The following AKAP9 variants were observed in gnomAD, a reference collection of about 807,000 sequenced individuals.
AKAP9 encodes the protein A-kinase anchor protein 9.
AKAP9 carries 311 observed loss-of-function variants against 488.5 expected under a neutral mutation model. The observed-to-expected ratio is 0.64, with a 90% CI of 0.58 to 0.70. The LOEUF is 0.70. AKAP9 is among the 30% of genes least tolerant of loss of function. The pLI is 0.00. For synonymous variants in AKAP9, 1,462 were observed against 1,483.5 expected, an observed-to-expected ratio of 0.99 and a Z score of 0.33; for missense variants, 4,215 against 4,374.5, an observed-to-expected ratio of 0.96 and a Z score of 1.03.
At chr7:92,045,441 T>C (rs1806809736) in intron 21 of AKAP9, among the ~76,000 whole-genome samples, 1 of 152,196 alleles carries the variant, frequency 6.6e-6, no homozygotes, top group Admixed American at 6.6e-5. Context: ...CCACAGTGCC[T>C]ACATAAACCA....
chr7:91,999,534 G>C (rs576511817), intron 7 of AKAP9, among the ~76,000 whole-genome samples: 5 of 152,166 alleles, frequency 3.3e-5, no homozygotes, highest in African/African-American at 1.2e-4. Context: ...TATTTCCATG[G>C]GCAAATGAAT....
chr7:91,940,977 C>T lies in AKAP9; in HGVS notation c.-123C>T, dbSNP rs1023593701. 6.6e-6 allele frequency: 7 copies of T among 1,054,010 alleles called. No homozygotes were observed. The highest frequency in any genetic ancestry group is 3.8e-5 in the South Asian group (3 of 79,068). 65.3% of individuals were successfully genotyped at this position (1,054,010 alleles called of 1,614,324 possible). On this transcript the variant is annotated 5_prime_UTR_variant, in exon 1 of 50. Coordinates refer to ENST00000356239, the MANE Select transcript of AKAP9 (RefSeq NM_005751.5). ...TGCTTCCACTTCGGGCGGGGGAGCGCCGGACCGAATCGGCTCTCTAGGCCG... is the reference window on the plus strand; with the variant it reads ...TGCTTCCACTTCGGGCGGGGGAGCGTCGGACCGAATCGGCTCTCTAGGCCG...
intron 1 of AKAP9, among the ~76,000 whole-genome samples, chr7:91,945,373 G>A (rs373142236): frequency 3.3e-5 from 5 of 152,152 alleles, no homozygotes; most frequent in Non-Finnish European, 7.4e-5. Flanking sequence ...AGCCAGGCGT[G>A]GTGGCAGGTA....
intron 47 of AKAP9, 108 bp downstream of exon 47, chr7:92,105,871 C>T (rs1818431346): frequency 8.1e-6 from 8 of 981,886 alleles, no homozygotes; most frequent in Admixed American, 7.1e-5. Context: ...GGAACCAGGC[C>T]GCACAGCAGC....
chr7:92,085,595 A>T lies in AKAP9; in HGVS notation c.8933A>T (p.Glu2978Val). 1 of 1,614,010 alleles carries T rather than the reference A, an allele frequency of 6.2e-7. No homozygotes were observed. Among genetic ancestry groups the T allele is most frequent in the Non-Finnish European group, 8.5e-7 (1 of 1,179,940 alleles). Residue 2978 changes from glutamate (E) to valine (V), a missense_variant, in exon 36 of 50, where the codon GAA becomes GTA. Around this residue, in one of 5 missense-constraint regions of AKAP9, gnomAD observed 1,476 missense variants for 1,477.4 expected, o/e 1.00. Transcript: ENST00000356239. ...GACCATTCTATTCAGCAGGTTTCAGAACCTTGGCTAGAAGAGAGAAAAGCT... is the reference window on the plus strand; with the variant it reads ...GACCATTCTATTCAGCAGGTTTCAGTACCTTGGCTAGAAGAGAGAAAAGCT... Reference protein sequence around the residue: ...GEDHSIQQVSEPWLEERKAYI... With the variant: ...GEDHSIQQVSVPWLEERKAYI...
At chr7:92,036,029 T>C (rs188758149) in intron 16 of AKAP9, among the ~76,000 whole-genome samples, 1 of 152,038 alleles carries the variant, frequency 6.6e-6, no homozygotes, top group East Asian at 1.9e-4. Flanking sequence ...TTTTTTTAAC[T>C]GATTATCTAT....
chr7:91,953,409 C>G (rs903291255), intron 1 of AKAP9, among the ~76,000 whole-genome samples: 1 of 152,194 alleles, frequency 6.6e-6, no homozygotes, highest in East Asian at 1.9e-4. Flanking sequence ...TGGACCAGAC[C>G]GTCTAGGCTC....
In AKAP9 at chr7:92,097,734, G is replaced by A. The variant is rs200288508; in HGVS notation, c.10547G>A (p.Arg3516Lys). 1.7e-5 allele frequency: 27 copies of A among 1,614,172 alleles called. No individual in the cohort carries two copies. The Admixed American group carries it at 3.3e-4, about 20-fold the overall frequency. ...TGCNHELEMI[R>K]QKLQCVASKL... ...TGTAATCATGAATTAGAAATGATCA[G>A]ACAAAAGCTTCAATGTGTAGCTTCA... is the stretch of plus-strand genomic sequence containing the variant. Residue 3516 changes from arginine (R) to lysine (K), a missense_variant, in exon 42 of 50, where the codon AGA (arginine) becomes AAA (lysine). By Grantham distance (26) the Arg-to-Lys change is conservative. Around this residue, in one of 5 missense-constraint regions of AKAP9, gnomAD observed 1,476 missense variants for 1,477.4 expected, o/e 1.00. Transcript: ENST00000356239.
intron 22 of AKAP9, 110 bp downstream of exon 22, chr7:92,053,068 C>T: frequency 2.1e-6 from 2 of 930,376 alleles, no homozygotes; most frequent in South Asian, 2.8e-5. Context: ...TTGGCATTTT[C>T]AAAGCTTGAA....
At chr7:91,966,443 G>A (rs1794451884) in intron 1 of AKAP9, among the ~76,000 whole-genome samples, 1 of 152,142 alleles carries the variant, frequency 6.6e-6, no homozygotes, top group Admixed American at 6.5e-5. Flanking sequence ...ATTTATTGAA[G>A]AGATTGTCCT....
intron 1 of AKAP9, among the ~76,000 whole-genome samples, chr7:91,973,152 A>G (rs6974760): frequency 0.94 from 143,196 of 152,258 alleles, 67,457 homozygotes; most frequent in East Asian, 1. Flanking sequence ...GAGGCAGGCG[A>G]ATTGCTTGAG....
Position 92,001,080 on chromosome 7 carries a change from GAC to G in AKAP9, c.1165_1166del (p.Gln389ValfsTer3), listed in dbSNP as rs764321112. The G allele has an allele frequency of 6.2e-7, 1 of 1,613,516 alleles. No homozygotes were observed. The highest frequency in any genetic ancestry group is 8.5e-7 in the Non-Finnish European group (1 of 1,179,722). ...CTGACTAATTCTAAGCAAAAAGAAA[GAC>G]AGTCTTCTGAAGAAATAAAACAGTT... On this transcript the variant is annotated frameshift_variant, in exon 8 of 50. Coordinates refer to ENST00000356239, the MANE Select transcript of AKAP9 (RefSeq NM_005751.5). LOFTEE classifies it high-confidence loss of function.
At chr7:91,991,096 A>T (rs140469395) in intron 3 of AKAP9, among the ~76,000 whole-genome samples, 21 of 152,276 alleles carry the variant, frequency 1.4e-4, no homozygotes, top group African/African-American at 3.9e-4. Flanking sequence ...GATTTCAGGC[A>T]TCTACTGGGA....
chr7:92,093,496 C>A (rs575546301), intron 39 of AKAP9, among the ~76,000 whole-genome samples, 180 bp downstream of exon 39: 1 of 152,016 alleles, frequency 6.6e-6, no homozygotes, highest in Non-Finnish European at 1.5e-5. Flanking sequence ...AACTTATGAT[C>A]GTGATTATAG....
At chr7:91,988,620 A>C (rs925816514) in intron 3 of AKAP9, among the ~76,000 whole-genome samples, 1 of 152,182 alleles carries the variant, frequency 6.6e-6, no homozygotes, top group African/African-American at 2.4e-5. Flanking sequence ...TTAATCATAG[A>C]TCACATAATT....
chr7:92,098,145 T>G lies in AKAP9; in HGVS notation c.10644T>G (p.Ile3548Met), dbSNP rs1169251656. 2 of 1,612,880 alleles carry G rather than the reference T, an allele frequency of 1.2e-6. No homozygotes were observed. The highest frequency in any genetic ancestry group is 3.3e-5 in the Admixed American group (2 of 59,994). ...AAACAGCAGATGATGAAGATTTCAT[T>G]TGGGTTCAGGAAAATATTGATGAAA... ...QFETADDEDF[I>M]WVQENIDEII... The change falls in exon 43 of 50, where the codon ATT becomes ATG. Residue 3548 changes from isoleucine to methionine, a missense_variant. Ile to Met is a conservative substitution (Grantham distance 10, BLOSUM62 1). Coordinates refer to ENST00000356239, the MANE Select transcript of AKAP9 (RefSeq NM_005751.5).
intron 49 of AKAP9, 118 bp downstream of exon 49, chr7:92,108,751 C>T: frequency 8.1e-7 from 1 of 1,240,322 alleles, no homozygotes; most frequent in South Asian, 1.3e-5. Flanking sequence ...AGTGCATGAG[C>T]TAATTATTAA....
intron 40 of AKAP9, 63 bp from the exon 41 acceptor site, chr7:92,096,626 C>G (rs1816626545): frequency 6.3e-7 from 1 of 1,596,936 alleles, no homozygotes; most frequent in African/African-American, 1.3e-5. Flanking sequence ...CGTGAGCCAC[C>G]ACGCCCGGCC....
rs769686940 is a variant in AKAP9, at chr7:92,002,972, T to G, written c.3055T>G (p.Leu1019Val). 1.1e-5 allele frequency: 17 copies of G among 1,613,236 alleles called. No individual in the cohort carries two copies. Among genetic ancestry groups the G allele is most frequent in the Non-Finnish European group, 1.4e-5 (16 of 1,179,598 alleles). ...GTCATGTGATACTCAAGTAAGCTCTTTATTAGATGGAGTTGTGACCATGAC... is the reference window on the plus strand; with the variant it reads ...GTCATGTGATACTCAAGTAAGCTCTGTATTAGATGGAGTTGTGACCATGAC... ...VQSCDTQVSS[L>V]LDGVVTMTSR... The change falls in exon 8 of 50, where the codon TTA becomes GTA. Residue 1019 changes from leucine to valine, a missense_variant. Transcript: ENST00000356239.
Sources: allele counts gnomAD v4.1 joint callset (sites outside exome capture counted in the v4.1 genomes callset), GRCh38; gene constraint gnomAD v4.1.1; regional missense constraint gnomAD v4.1.1; transcripts MANE v1.5; gene names NCBI Gene and HGNC (gene_info 2026-07-23, HGNC 2026-07-21).